The following XIRP2 variants were observed in gnomAD, a reference collection of about 807,000 sequenced individuals.
The protein encoded by XIRP2 is xin actin binding repeat containing 2.
In XIRP2, 236 loss-of-function variants were observed where a neutral mutation model predicts 277.0. The observed-to-expected ratio is 0.85, with a 90% CI of 0.77 to 0.95. The LOEUF (loss-of-function observed/expected upper bound fraction) is 0.95, where lower values mean the gene tolerates loss of function less well. Among genes scored for constraint, XIRP2 ranks in the 40% least tolerant of loss-of-function variants. XIRP2 has a pLI of 0.00. For synonymous variants in XIRP2, 1,490 were observed against 1,416.5 expected (o/e 1.05, Z -1.17); for missense variants, 4,640 against 4,157.5 (o/e 1.12, Z -3.19).
chr2:166,943,448 A>G (rs1342757583), intron 2 of XIRP2, among the ~76,000 whole-genome samples: 7 of 152,198 alleles, frequency 4.6e-5, no homozygotes. Context: ...TGTCTTCAGA[A>G]GATCCAGCAA....
chr2:167,052,179 AAC>A (rs1688930467), intron 2 of XIRP2, among the ~76,000 whole-genome samples: 1 of 152,094 alleles, frequency 6.6e-6, no homozygotes, highest in Non-Finnish European at 1.5e-5. Context: ...TCATCCCCAA[AAC>A]AGCCTTGGAG....
chr2:166,987,375 C>A (rs1355347519), intron 2 of XIRP2, among the ~76,000 whole-genome samples: 2 of 152,112 alleles, frequency 1.3e-5, no homozygotes, highest in Non-Finnish European at 2.9e-5. Context: ...AATCGTCTAT[C>A]CTGTAATAGG....
intron 3 of XIRP2, among the ~76,000 whole-genome samples, chr2:167,146,431 G>A (rs1300116646): frequency 6.6e-6 from 1 of 151,752 alleles, no homozygotes; most frequent in East Asian, 1.9e-4. Flanking sequence ...AATCCAAGAG[G>A]CGGAGGTTGC....
chr2:167,056,253 C>A (rs1317574079), intron 2 of XIRP2, among the ~76,000 whole-genome samples: 1 of 152,102 alleles, frequency 6.6e-6, no homozygotes, highest in East Asian at 1.9e-4. Flanking sequence ...GCATTTTTCT[C>A]ATCTCCTCTG....
chr2:167,024,667 T>G (rs1688096923), intron 2 of XIRP2, among the ~76,000 whole-genome samples: 1 of 152,108 alleles, frequency 6.6e-6, no homozygotes, highest in Non-Finnish European at 1.5e-5. Flanking sequence ...GCATGACGTG[T>G]TGTTGAATTT....
At chr2:167,057,544 T>A (rs1431389149) in intron 2 of XIRP2, among the ~76,000 whole-genome samples, 1 of 152,214 alleles carries the variant, frequency 6.6e-6, no homozygotes, top group African/African-American at 2.4e-5. Context: ...TTGCTAAAAT[T>A]ATTATCACTG....
intron 2 of XIRP2, among the ~76,000 whole-genome samples, chr2:167,002,073 A>G (rs1309792939): frequency 6.6e-6 from 1 of 152,112 alleles, no homozygotes; most frequent in African/African-American, 2.4e-5. Context: ...ATGATTTCTT[A>G]GAGAGCTATA....
intron 3 of XIRP2, among the ~76,000 whole-genome samples, chr2:167,161,754 C>T (rs182119910): frequency 3.7e-4 from 57 of 152,332 alleles, no homozygotes; most frequent in African/African-American, 1.3e-3. Flanking sequence ...TGGGGATTAA[C>T]ATTTAGCTCC....
intron 2 of XIRP2, among the ~76,000 whole-genome samples, chr2:167,010,657 G>C (rs1415255353): frequency 1.3e-5 from 2 of 152,024 alleles, no homozygotes; most frequent in African/African-American, 4.8e-5. Flanking sequence ...AAATTACCTT[G>C]GGCAGTATGG....
intron 2 of XIRP2, among the ~76,000 whole-genome samples, chr2:167,010,215 A>C (rs961779873): frequency 9.9e-5 from 15 of 152,180 alleles, no homozygotes; most frequent in Non-Finnish European, 1.9e-4. Context: ...CTAACGTTAA[A>C]GTCTTTAATC....
intron 2 of XIRP2, among the ~76,000 whole-genome samples, chr2:166,953,476 A>G (rs746052473): frequency 2.0e-5 from 3 of 151,974 alleles, no homozygotes; most frequent in Non-Finnish European, 2.9e-5. Context: ...AGTGTCTGGT[A>G]TGTCTTCATA....
chr2:167,212,129 T>C (rs752477278), intron 4 of XIRP2, among the ~76,000 whole-genome samples: 19 of 152,326 alleles, frequency 1.2e-4, no homozygotes, highest in Non-Finnish European at 2.2e-4. Flanking sequence ...GTCATTAAAA[T>C]ACATTTTAGA....
At chr2:166,976,831 C>T (rs1017466038) in intron 2 of XIRP2, among the ~76,000 whole-genome samples, 2 of 152,154 alleles carry the variant, frequency 1.3e-5, no homozygotes, top group Admixed American at 1.3e-4. Context: ...CCATTTCCTC[C>T]AAGACTTAAG....
chr2:167,112,550 AT>A (rs1413472989), intron 2 of XIRP2, among the ~76,000 whole-genome samples: 5 of 146,430 alleles, frequency 3.4e-5, no homozygotes, highest in African/African-American at 5.1e-5. Flanking sequence ...AGATATTTAT[AT>A]CTAGATATTT....
chr2:166,965,830 A>T (rs1421097598), intron 2 of XIRP2, among the ~76,000 whole-genome samples: 2 of 151,068 alleles, frequency 1.3e-5, no homozygotes, highest in African/African-American at 4.9e-5. Flanking sequence ...CCATCCACCC[A>T]CCTTGCTGGC....
intron 2 of XIRP2, among the ~76,000 whole-genome samples, chr2:166,913,038 C>G (rs1304634943): frequency 2.6e-5 from 4 of 152,192 alleles, no homozygotes; most frequent in Non-Finnish European, 5.9e-5. Context: ...CCCAGTCAGG[C>G]TACTCAGGGG....
intron 3 of XIRP2, among the ~76,000 whole-genome samples, chr2:167,172,369 C>T (rs113628192): frequency 3.9e-4 from 60 of 152,206 alleles, no homozygotes; most frequent in East Asian, 1.2e-3. Context: ...AATGAAGTTT[C>T]GGGCACGCAT....
intron 4 of XIRP2, among the ~76,000 whole-genome samples, chr2:167,213,326 C>A (rs1329546560): frequency 6.6e-6 from 1 of 151,978 alleles, no homozygotes; most frequent in Non-Finnish European, 1.5e-5. Context: ...GAAAGAAAAC[C>A]AAGTTCAAGA....
At chr2:167,206,357 C>T (rs1029768171) in intron 3 of XIRP2, among the ~76,000 whole-genome samples, 8 of 152,100 alleles carry the variant, frequency 5.3e-5, no homozygotes, top group African/African-American at 1.2e-4. Context: ...TTTCCATCTT[C>T]GCCATATTTC....
Sources: allele counts gnomAD v4.1 joint callset (sites outside exome capture counted in the v4.1 genomes callset), GRCh38; gene constraint gnomAD v4.1.1; transcripts MANE v1.5; gene names NCBI Gene and HGNC (gene_info 2026-07-23, HGNC 2026-07-21).